Variants in KIF7 observed in about 807,000 individuals in gnomAD.
KIF7 encodes the protein kinesin-like protein KIF7.
Under a neutral mutation model 135.7 loss-of-function variants are expected in KIF7, and 104 were observed. The ratio of observed to expected loss-of-function variants is 0.77; its 90% confidence interval spans 0.65 to 0.90. The LOEUF (loss-of-function observed/expected upper bound fraction) is 0.90. Ranked by LOEUF, KIF7 falls within the 40% of genes least tolerant of loss-of-function variation. The probability of loss-of-function intolerance (pLI) is 0.00; values close to 1 mark genes in which losing one functional copy is unlikely to be tolerated. For missense variants in KIF7, 2,005 were observed against 1,839.1 expected, an observed-to-expected ratio of 1.09 and a Z score of -1.65; for synonymous variants, 883 against 809.4, an observed-to-expected ratio of 1.09 and a Z score of -1.54.
At chr15:89,642,705 G>A (rs1963945659) in intron 10 of KIF7, among the ~76,000 whole-genome samples, 1 of 152,162 alleles carries the variant, frequency 6.6e-6, no homozygotes, top group Non-Finnish European at 1.5e-5. Context: ...AAGTAGCTGG[G>A]ATTACAGGCA....
intron 6 of KIF7, 88 bp downstream of exon 6, chr15:89,647,508 A>C: frequency 2.5e-6 from 3 of 1,180,774 alleles, no homozygotes; most frequent in Non-Finnish European, 2.5e-6. Flanking sequence ...CCCTACCCTA[A>C]CTCCCTCCCA....
rs1359285837 is a variant in KIF7 at position 89,653,977 on chromosome 15, G to A, written c.-24-1023C>T. ...CAAAAAAAGGCTCTCCACTGCCCTTGGGATTCAAAATATTTTTGTTTTTGT... is the reference window on the plus strand; with the variant it reads ...CAAAAAAAGGCTCTCCACTGCCCTTAGGATTCAAAATATTTTTGTTTTTGT... On this transcript the variant is annotated intron_variant, in intron 1 of 18. Coordinates refer to ENST00000394412, the MANE Select transcript of KIF7 (RefSeq NM_198525.3). 2.6e-5 allele frequency among the ~76,000 whole-genome samples: 4 copies of A among 151,974 alleles called. No individual in the cohort carries two copies. The East Asian group carries it at 7.7e-4, about 29-fold the overall frequency.
At chr15:89,658,462 G>T (rs1358073116), upstream of KIF7, among the ~76,000 whole-genome samples, 1 of 150,874 alleles carries the variant, frequency 6.6e-6, no homozygotes, top group East Asian at 2.0e-4. Flanking sequence ...GAGAGAGAGA[G>T]AGAGAAAACA....
intron 1 of KIF7, among the ~76,000 whole-genome samples, chr15:89,653,428 A>G (rs1964156788): frequency 6.6e-6 from 1 of 152,108 alleles, no homozygotes; most frequent in Admixed American, 6.5e-5. Flanking sequence ...TGCCAATTCC[A>G]TCTCCTAAAT....
intron 16 of KIF7, chr15:89,629,986 C>G (rs571805837): frequency 1.1e-5 from 6 of 532,256 alleles, no homozygotes; most frequent in African/African-American, 7.6e-5. Context: ...CCAAAAGTAT[C>G]TCCAGCCATG....
Position 89,645,127 on chromosome 15 carries a change from C to T in KIF7, c.2077G>A (p.Val693Ile), listed in dbSNP as rs550326630. ...CACTCTGAGGCTGTGGCAGGGGGGA[C>T]CTGGCGGGCCTGAACTCGGGCCTTG... Reference protein sequence around the residue: ...GSKARVQARQVPPATASEWRL... With the variant: ...GSKARVQARQIPPATASEWRL... Residue 693 changes from valine (V) to isoleucine (I), a missense_variant, in exon 10 of 19, where the codon GTC (valine) becomes ATC (isoleucine). Coordinates refer to ENST00000394412, the MANE Select transcript of KIF7 (RefSeq NM_198525.3). 6.2e-7 allele frequency: 1 copy of T among 1,604,766 alleles called. No homozygotes were observed. Among genetic ancestry groups the T allele is most frequent in the Non-Finnish European group, 8.5e-7 (1 of 1,179,970 alleles).
chr15:89,624,623 G>T (rs772836864), downstream of KIF7: 1 of 1,613,966 alleles, frequency 6.2e-7, no homozygotes, highest in Non-Finnish European at 8.5e-7. Context: ...CCTGAAAGAC[G>T]GGGCTACCCA....
At chr15:89,617,833 A>G (rs1963359930) in intron 2 of KIF7, among the ~76,000 whole-genome samples, 1 of 152,048 alleles carries the variant, frequency 6.6e-6, no homozygotes. Flanking sequence ...CTGGGACTAC[A>G]GGCGCATGCC....
intron 1 of KIF7, among the ~76,000 whole-genome samples, chr15:89,620,449 C>T (rs769052079): frequency 1.3e-5 from 2 of 152,050 alleles, no homozygotes; most frequent in Non-Finnish European, 2.9e-5. Context: ...CTCAAGTGAT[C>T]CATCTGCCTC....
rs1484840047 is a variant in KIF7 at position 89,649,025 on chromosome 15, T to C, written c.872A>G (p.Asp291Gly). ...ALGNVISALG[D>G]PQRRGSHIPY... ...TATGTGGCTGCCCCGGCGCTGAGGG[T>C]CCCCCAGGGCGCTGATGACGTTGCC... Residue 291 changes from aspartate to glycine, a missense_variant, in exon 4 of 19, where the codon GAC becomes GGC. Physicochemically the swap from Asp to Gly is moderately conservative, Grantham distance 94. Transcript: ENST00000394412. The C allele has an allele frequency of 6.5e-7, 1 of 1,547,728 alleles. No homozygotes were observed. The highest frequency in any genetic ancestry group is 2.4e-5 in the East Asian group (1 of 40,876).
chr15:89,633,894 C>T lies in KIF7; in HGVS notation c.2395-11G>A, dbSNP rs1454779325. 6.2e-7 allele frequency: 1 copy of T among 1,613,618 alleles called. No individual in the cohort carries two copies. Among genetic ancestry groups the T allele is most frequent in the Non-Finnish European group, 8.5e-7 (1 of 1,179,998 alleles). ...CTTCTCCTTCAGCACCTGGGACCCACACAGTCTTCACTGGGCCATGCACGG... is the reference window on the plus strand; with the variant it reads ...CTTCTCCTTCAGCACCTGGGACCCATACAGTCTTCACTGGGCCATGCACGG... On this transcript the variant is annotated splice_polypyrimidine_tract_variant and intron_variant, in intron 11 of 18. Transcript: ENST00000394412.
In KIF7 at chr15:89,631,591, C is replaced by T; in HGVS notation, c.3015G>A (p.Gly1005=). 2 of 1,564,962 alleles carry T rather than the reference C, an allele frequency of 1.3e-6. No homozygotes were observed. The change falls in exon 15 of 19, where the codon GGG becomes GGA. Residue 1005 remains glycine (G), a synonymous_variant. Coordinates refer to ENST00000394412, the MANE Select transcript of KIF7 (RefSeq NM_198525.3). ...TCTCCTGGCGCAGGCTGTCGATCTC[C>T]CCGCGGATCTGCTGCTGGCTCTGGG... is the stretch of plus-strand genomic sequence containing the variant. The part of the protein sequence containing the change: ...GSAQSQQQIR[G]EIDSLRQEKD...
chr15:89,624,820 C>G (rs1963488288), downstream of KIF7: 2 of 1,614,016 alleles, frequency 1.2e-6, no homozygotes, highest in Non-Finnish European at 1.7e-6. Flanking sequence ...TCTGTCTCAC[C>G]CTGGGATTCC....
intron 12 of KIF7, 24 bp from the exon 13 acceptor site, chr15:89,633,290 G>C (rs760175118): frequency 2.5e-5 from 38 of 1,546,780 alleles, no homozygotes; most frequent in African/African-American, 5.4e-5. Context: ...TCAGTGGGCA[G>C]GGCTGTTTAT....
chr15:89,648,908 C>T, intron 4 of KIF7, 66 bp downstream of exon 4: 1 of 1,468,818 alleles, frequency 6.8e-7, no homozygotes, highest in Non-Finnish European at 9.0e-7. Flanking sequence ...TCCACCCCCA[C>T]TGGTGTGCTG....
chr15:89,654,288 C>T (rs1964172472), intron 1 of KIF7, among the ~76,000 whole-genome samples: 1 of 130,974 alleles, frequency 7.6e-6, no homozygotes, highest in Non-Finnish European at 1.7e-5. Context: ...GGATTCCAGG[C>T]GTAAGTCACC....
intron 10 of KIF7, 50 bp from the exon 11 acceptor site, chr15:89,642,455 G>C: frequency 6.7e-7 from 1 of 1,501,778 alleles, no homozygotes; most frequent in Non-Finnish European, 9.0e-7. Context: ...CCACCGAGAG[G>C]GCCAGCTGTT....
chr15:89,651,811 T>C (rs1284882972), intron 2 of KIF7, among the ~76,000 whole-genome samples: 1 of 152,166 alleles, frequency 6.6e-6, no homozygotes, highest in Non-Finnish European at 1.5e-5. Flanking sequence ...ACCTCCAATA[T>C]GATGGAAGTG....
chr15:89,658,866 A>AAATAAT (rs748666194), upstream of KIF7, among the ~76,000 whole-genome samples: 1 of 151,846 alleles, frequency 6.6e-6, no homozygotes, highest in Admixed American at 6.6e-5. Flanking sequence ...CCTGTCTCAA[A>AAATAAT]AATAATAATA....
Sources: gnomAD v4.1 joint callset for allele counts (sites outside exome capture counted in the v4.1 genomes callset) on GRCh38, gnomAD v4.1.1 for gene constraint, MANE v1.5 for transcripts, NCBI Gene and HGNC (gene_info 2026-07-23, HGNC 2026-07-21) for gene names.